The following KCNH7 variants were observed in gnomAD, a reference collection of about 807,000 sequenced individuals.
KCNH7 encodes the protein potassium voltage-gated channel subfamily H member 7.
Under a neutral mutation model 120.8 loss-of-function variants are expected in KCNH7, and 49 were observed. The ratio of observed to expected loss-of-function variants is 0.41; its 90% CI spans 0.32 to 0.51. The LOEUF (loss-of-function observed/expected upper bound fraction) is 0.51, where lower values mean the gene tolerates loss of function less well. KCNH7 is among the 20% of genes least tolerant of loss of function. The pLI, the probability that KCNH7 is intolerant of heterozygous loss-of-function variation, is 0.38. For missense variants in KCNH7, 1,097 were observed against 1,446.6 expected (o/e 0.76, Z 3.92); for synonymous variants, 547 against 516.1 (o/e 1.06, Z -0.81).
At chr2:162,468,033 T>A (rs188948305) in intron 6 of KCNH7, among the ~76,000 whole-genome samples, 1 of 152,288 alleles carries the variant, frequency 6.6e-6, no homozygotes, top group East Asian at 1.9e-4. Context: ...ATCATAGGAA[T>A]GTAGAAGAGA....
At chr2:162,786,312 A>G (rs1008235858) in intron 2 of KCNH7, among the ~76,000 whole-genome samples, 9 of 151,410 alleles carry the variant, frequency 5.9e-5, no homozygotes, top group Non-Finnish European at 1.3e-4. Context: ...TGTGCCAGCT[A>G]CTGTTTCATG....
At chr2:162,799,857 T>C (rs1232274590) in intron 2 of KCNH7, among the ~76,000 whole-genome samples, 1 of 151,848 alleles carries the variant, frequency 6.6e-6, no homozygotes, top group Admixed American at 6.6e-5. Context: ...TATACACTTG[T>C]CTTTTCTGTA....
chr2:162,729,628 A>G (rs1434759235), intron 2 of KCNH7, among the ~76,000 whole-genome samples: 1 of 152,044 alleles, frequency 6.6e-6, no homozygotes, highest in African/African-American at 2.4e-5. Context: ...TTCTTTTTCC[A>G]TGCTTTTAAA....
At chr2:162,547,345 G>A (rs73024640) in intron 2 of KCNH7, among the ~76,000 whole-genome samples, 14,899 of 152,136 alleles carry the variant, frequency 0.098, 855 homozygotes, top group East Asian at 0.21. Context: ...GAAATTAGGA[G>A]GAGAGGCATC....
intron 2 of KCNH7, among the ~76,000 whole-genome samples, chr2:162,695,338 T>C (rs559665177): frequency 6.6e-6 from 1 of 152,274 alleles, no homozygotes; most frequent in South Asian, 2.1e-4. Flanking sequence ...TGGTGATGGT[T>C]GCAGCAGCAC....
At chr2:162,401,216 A>G (rs1687055929) in intron 9 of KCNH7, among the ~76,000 whole-genome samples, 1 of 151,930 alleles carries the variant, frequency 6.6e-6, no homozygotes, top group Non-Finnish European at 1.5e-5. Flanking sequence ...CTGCTACTCA[A>G]TCTGAACTGA....
intron 2 of KCNH7, among the ~76,000 whole-genome samples, chr2:162,814,013 A>G (rs12471691): frequency 0.055 from 8,342 of 152,316 alleles, 309 homozygotes; most frequent in South Asian, 0.11. Flanking sequence ...AAGAATTTGA[A>G]ATGCAGAAAC....
intron 2 of KCNH7, among the ~76,000 whole-genome samples, chr2:162,726,276 A>G (rs1687515751): frequency 6.6e-6 from 1 of 152,208 alleles, no homozygotes; most frequent in Non-Finnish European, 1.5e-5. Flanking sequence ...TCAGATACCA[A>G]ATAAGGTAAG....
chr2:162,500,379 A>ATATATTG (rs1015780445), intron 6 of KCNH7, among the ~76,000 whole-genome samples: 1 of 147,620 alleles, frequency 6.8e-6, no homozygotes, highest in African/African-American at 2.5e-5. Context: ...TGTATATATT[A>ATATATTG]TATATAATAC....
intron 2 of KCNH7, among the ~76,000 whole-genome samples, chr2:162,795,165 T>A (rs1684095384): frequency 6.6e-6 from 1 of 152,098 alleles, no homozygotes; most frequent in South Asian, 2.1e-4. Context: ...GCCTTGTGTA[T>A]TGTCAATGAT....
At chr2:162,425,161 A>C (rs907733136) in intron 8 of KCNH7, among the ~76,000 whole-genome samples, 1 of 152,164 alleles carries the variant, frequency 6.6e-6, no homozygotes, top group Non-Finnish European at 1.5e-5. Flanking sequence ...CTGAAAACAC[A>C]TCATGGGCTC....
chr2:162,818,020 A>T (rs1684976233), intron 2 of KCNH7, among the ~76,000 whole-genome samples: 1 of 151,952 alleles, frequency 6.6e-6, no homozygotes, highest in South Asian at 2.1e-4. Context: ...AGTCTGTATC[A>T]GTTTTTATTT....
chr2:162,442,776 A>G (rs1022998769), intron 7 of KCNH7, among the ~76,000 whole-genome samples: 1 of 152,110 alleles, frequency 6.6e-6, no homozygotes, highest in African/African-American at 2.4e-5. Context: ...GGATCACTTG[A>G]GCCCAGGAGG....
At chr2:162,765,758 T>A (rs1336363073) in intron 2 of KCNH7, among the ~76,000 whole-genome samples, 2 of 152,160 alleles carry the variant, frequency 1.3e-5, no homozygotes, top group Non-Finnish European at 2.9e-5. Flanking sequence ...AATATTTTTC[T>A]TTTCTTTTTT....
At chr2:162,624,580 T>C (rs1306151254) in intron 2 of KCNH7, among the ~76,000 whole-genome samples, 1 of 152,156 alleles carries the variant, frequency 6.6e-6, no homozygotes, top group Non-Finnish European at 1.5e-5. Flanking sequence ...CACTCTCACC[T>C]ATGTAAATTT....
intron 6 of KCNH7, among the ~76,000 whole-genome samples, chr2:162,453,405 A>G (rs2105579204): frequency 6.6e-6 from 1 of 152,274 alleles, no homozygotes; most frequent in Non-Finnish European, 1.5e-5. Context: ...GCTATTGTGA[A>G]TAGTGCTGCA....
At chr2:162,705,378 T>A (rs943600431) in intron 2 of KCNH7, among the ~76,000 whole-genome samples, 7 of 152,258 alleles carry the variant, frequency 4.6e-5, no homozygotes, top group African/African-American at 1.4e-4. Context: ...ATGGCAATTT[T>A]ATTATTGCTA....
chr2:162,612,525 A>T (rs897591907), intron 2 of KCNH7, among the ~76,000 whole-genome samples: 1 of 152,174 alleles, frequency 6.6e-6, no homozygotes, highest in Admixed American at 6.5e-5. Flanking sequence ...GTAAATTATC[A>T]TAAGTAATTG....
intron 6 of KCNH7, among the ~76,000 whole-genome samples, chr2:162,485,526 A>T (rs1313210368): frequency 6.6e-6 from 1 of 152,188 alleles, no homozygotes. Context: ...ATTAAAGGAA[A>T]CTCTACACGT....
Sources: allele counts gnomAD v4.1 joint callset (sites outside exome capture counted in the v4.1 genomes callset), GRCh38; gene constraint gnomAD v4.1.1; transcripts MANE v1.5; gene names NCBI Gene and HGNC (gene_info 2026-07-23, HGNC 2026-07-21).